The following E2F5 variants were observed in gnomAD, a reference collection of about 807,000 sequenced individuals.
The protein encoded by E2F5 is transcription factor E2F5.
In E2F5, 23 loss-of-function variants were observed where a neutral mutation model predicts 39.1. The ratio of observed to expected loss-of-function variants is 0.59; its 90% CI spans 0.42 to 0.83. The LOEUF (loss-of-function observed/expected upper bound fraction) is 0.83. Among genes scored for constraint, E2F5 ranks in the 40% least tolerant of loss-of-function variants. E2F5 has a pLI of 0.00. For synonymous variants in E2F5, 145 were observed against 157.8 expected, an observed-to-expected ratio of 0.92 and a Z score of 0.61; for missense variants, 365 against 406.7, an observed-to-expected ratio of 0.90 and a Z score of 0.88.
Position 85,177,545 on chromosome 8 carries a change from G to A in E2F5, c.125G>A (p.Gly42Glu). 3.3e-6 allele frequency: 4 copies of A among 1,226,104 alleles called. No individual in the cohort carries two copies. Among genetic ancestry groups the A allele is most frequent in the African/African-American group, 1.6e-5 (1 of 64,054 alleles). The allele number at this position is 1,226,104 out of a possible 1,614,324, so 76.0% of individuals were successfully genotyped here. The change falls in exon 1 of 8, where the codon GGG (glycine) becomes GAG (glutamate). Residue 42 changes from glycine (G) to glutamate (E), a missense_variant. Physicochemically the swap from Gly to Glu is moderately conservative, Grantham distance 98 (BLOSUM62 -2). Transcript: ENST00000416274. Reference protein sequence around the residue: ...APQPPPPPQLGGAGGGSSRHE... With the variant: ...APQPPPPPQLEGAGGGSSRHE... ...CAGCCGCCCCCGCCGCCGCAGCTCG[G>A]GGGCGCCGGGGGCGGCAGCAGCAGG... is the stretch of plus-strand genomic sequence containing the variant.
At chr8:85,200,782 A>G (rs2129714774) in intron 1 of E2F5, among the ~76,000 whole-genome samples, 1 of 152,344 alleles carries the variant, frequency 6.6e-6, no homozygotes, top group Non-Finnish European at 1.5e-5. Context: ...TAAAACAAGA[A>G]GGGAATTGCT....
At chr8:85,197,159 G>C (rs1357832420) in intron 1 of E2F5, among the ~76,000 whole-genome samples, 1 of 152,172 alleles carries the variant, frequency 6.6e-6, no homozygotes, top group Non-Finnish European at 1.5e-5. Flanking sequence ...CTAAACTATT[G>C]AGTGCATATG....
At position 85,203,261 on chromosome 8, in the gene E2F5, C is replaced by T; in HGVS notation, c.506+6C>T. 5 of 1,581,968 alleles carry T rather than the reference C, an allele frequency of 3.2e-6. No homozygotes were observed. Among genetic ancestry groups the T allele is most frequent in the Non-Finnish European group, 4.3e-6 (5 of 1,164,934 alleles). The stretch of plus-strand genomic sequence containing the variant: ...GACGATTCCATTAATAATAGATATC[C>T]TTTTAAATAAGTTATGCATATACAT... On this transcript the variant is annotated splice_donor_region_variant and intron_variant, in intron 3 of 7. Transcript: ENST00000416274.
rs1313232177 is a variant in E2F5, at chr8:85,195,396, AG to A, written c.235-6750del. On this transcript the variant is annotated intron_variant, in intron 1 of 7. Coordinates refer to ENST00000416274, the MANE Select transcript of E2F5 (RefSeq NM_001951.4). ...AGACTCTGTCTCAAAAAAAAGAAAA[AG>A]TAGGTGCAAATCTCAGTAATAGAAT... is the stretch of plus-strand genomic sequence containing the variant. Among the ~76,000 whole-genome samples the A allele has an allele frequency of 2.6e-5, 4 of 152,218 alleles. No individual in the cohort carries two copies. In the East Asian group the frequency reaches 7.7e-4, roughly 29 times the overall value.
intron 1 of E2F5, among the ~76,000 whole-genome samples, chr8:85,193,282 G>A (rs934894560): frequency 2.0e-5 from 3 of 151,982 alleles, no homozygotes; most frequent in South Asian, 2.1e-4. Context: ...TCAGGAGTTC[G>A]AGACCAGCCT....
chr8:85,188,947 C>T (rs1320459085), intron 1 of E2F5, among the ~76,000 whole-genome samples: 2 of 152,102 alleles, frequency 1.3e-5, no homozygotes, highest in Non-Finnish European at 2.9e-5. Flanking sequence ...AGTGTAATCT[C>T]TTATATGGCT....
At chr8:85,209,001 T>G (rs1812857832) in intron 5 of E2F5, 141 bp from the exon 6 acceptor site, 1 of 840,434 alleles carries the variant, frequency 1.2e-6, no homozygotes, top group Non-Finnish European at 1.8e-6. Flanking sequence ...ATGTCTCTAC[T>G]TTTGTGTTTT....
At chr8:85,182,386 G>A (rs1052629809) in intron 1 of E2F5, among the ~76,000 whole-genome samples, 1 of 152,222 alleles carries the variant, frequency 6.6e-6, no homozygotes, top group Non-Finnish European at 1.5e-5. Context: ...CTTGCCTGGT[G>A]TTGTACAGTA....
At chr8:85,213,615 G>T in intron 7 of E2F5, 138 bp from the exon 8 acceptor site, 2 of 359,184 alleles carry the variant, frequency 5.6e-6, no homozygotes, top group Non-Finnish European at 5.2e-6. Flanking sequence ...TGTACAAATT[G>T]TTACTAAATG....
At position 85,187,092 on chromosome 8, in the gene E2F5, G is replaced by T. The variant is rs761700018; in HGVS notation, c.234+9438G>T. ...TCATTGACTCATTAGATGTTTAAGA[G>T]CATGTTTTTTGTTTTTAAATTTCCA... On this transcript the variant is annotated intron_variant, in intron 1 of 7. Transcript: ENST00000416274. Among the ~76,000 whole-genome samples the T allele has an allele frequency of 2.0e-5, 3 of 151,844 alleles. No homozygotes were observed. In the South Asian group the frequency reaches 6.2e-4, roughly 32 times the overall value.
chr8:85,185,911 G>A (rs921384861), intron 1 of E2F5, among the ~76,000 whole-genome samples: 4 of 152,258 alleles, frequency 2.6e-5, no homozygotes, highest in African/African-American at 7.2e-5. Context: ...ACTGTTGGTG[G>A]GAGTTTAAAT....
intron 1 of E2F5, among the ~76,000 whole-genome samples, chr8:85,179,728 G>C (rs7818090): frequency 0.72 from 108,250 of 150,338 alleles, 39,416 homozygotes; most frequent in African/African-American, 0.81. Flanking sequence ...GGCGCGATCT[G>C]GGCTCACTGC....
intron 1 of E2F5, among the ~76,000 whole-genome samples, chr8:85,191,799 G>A (rs1812472050): frequency 6.6e-6 from 1 of 152,134 alleles, no homozygotes; most frequent in Non-Finnish European, 1.5e-5. Context: ...CTGTAGGCCA[G>A]GGACTGTCTT....
chr8:85,193,178 A>G (rs1246962287), intron 1 of E2F5, among the ~76,000 whole-genome samples: 1 of 152,130 alleles, frequency 6.6e-6, no homozygotes, highest in Non-Finnish European at 1.5e-5. Flanking sequence ...TTATATATAT[A>G]CTTTACATAT....
chr8:85,180,756 T>C (rs202176065), intron 1 of E2F5, among the ~76,000 whole-genome samples: 8 of 150,880 alleles, frequency 5.3e-5, no homozygotes, highest in Admixed American at 2.0e-4. Context: ...TTTTTTTGTA[T>C]TTTTAGTAGA....
intron 1 of E2F5, among the ~76,000 whole-genome samples, chr8:85,188,847 A>G (rs1021512203): frequency 6.6e-6 from 1 of 152,094 alleles, no homozygotes; most frequent in Admixed American, 6.5e-5. Flanking sequence ...TGTGCTTCCT[A>G]GGGTTGAGGG....
intron 3 of E2F5, 144 bp from the exon 4 acceptor site, chr8:85,206,033 C>A (rs1485101253): frequency 2.8e-6 from 2 of 715,136 alleles, no homozygotes; most frequent in Non-Finnish European, 4.7e-6. Flanking sequence ...CCTTTCTAGA[C>A]TAGACTTCTT....
chr8:85,213,542 T>TAAAAAAAA lies in E2F5; in HGVS notation c.932-199_932-192dup, dbSNP rs536955367. 3.5e-3 allele frequency: 422 copies of TAAAAAAAA among 121,398 alleles called. 11 individuals carry two copies. Among genetic ancestry groups the TAAAAAAAA allele is most frequent in the South Asian group, 8.4e-3 (78 of 9,266 alleles). 7.5% of individuals were successfully genotyped at this position (121,398 alleles called of 1,614,324 possible). ...TGGACGAAACAGGGAGACTCCATCT[T>TAAAAAAAA]AAAAAAAAAAAAAAAAAAAGAAAAA... On this transcript the variant is annotated intron_variant, in intron 7 of 7. Coordinates refer to ENST00000416274, the MANE Select transcript of E2F5 (RefSeq NM_001951.4).
chr8:85,186,669 ATATG>A (rs781639622), intron 1 of E2F5, among the ~76,000 whole-genome samples: 7 of 147,648 alleles, frequency 4.7e-5, no homozygotes, highest in Non-Finnish European at 7.4e-5. Flanking sequence ...TATATGGTAT[ATATG>A]TAAGGTATAT....
Sources: gnomAD v4.1 joint callset for allele counts (sites outside exome capture counted in the v4.1 genomes callset) on GRCh38, gnomAD v4.1.1 for gene constraint, MANE v1.5 for transcripts, NCBI Gene and HGNC (gene_info 2026-07-23, HGNC 2026-07-21) for gene names.